ABCB5: variants seen among roughly 807,000 people sequenced by gnomAD.
The protein encoded by ABCB5 is ATP binding cassette subfamily B member 5.
A neutral mutation model predicts 144.2 loss-of-function variants in ABCB5; 155 were observed. The ratio of observed to expected loss-of-function variants is 1.08; its 90% CI spans 0.94 to 1.23. The LOEUF (loss-of-function observed/expected upper bound fraction) is 1.23, where lower values mean the gene tolerates loss of function less well. ABCB5 is among the 50% of genes most tolerant of loss of function. The pLI is 0.00. For synonymous variants in ABCB5, 610 were observed against 528.6 expected (o/e 1.15, Z -2.11); for missense variants, 1,830 against 1,520.8 (o/e 1.20, Z -3.38).
chr7:20,685,032 G>T (rs1785949499), intron 15 of ABCB5, among the ~76,000 whole-genome samples: 1 of 152,126 alleles, frequency 6.6e-6, no homozygotes, highest in Admixed American at 6.5e-5. Context: ...GGTCTTTTTA[G>T]TAGAGACAGG....
chr7:20,661,472 C>T lies in ABCB5; in HGVS notation c.1707+2796C>T, dbSNP rs146414442. ...CCAACAGATATTGTTGGATGGACTT[C>T]GATGAGTGTGATCCAGGATACTTCT... is the stretch of plus-strand genomic sequence containing the variant. On this transcript the variant is annotated intron_variant, in intron 14 of 27. Transcript: ENST00000404938. Among the ~76,000 whole-genome samples the T allele has an allele frequency of 3.5e-3, 533 of 152,054 alleles. 12 individuals are homozygous for T. The highest frequency in any genetic ancestry group is 4.4e-3 in the East Asian group (23 of 5,190).
At chr7:20,629,644 C>A (rs1042974174) in intron 4 of ABCB5, among the ~76,000 whole-genome samples, 3 of 152,064 alleles carry the variant, frequency 2.0e-5, no homozygotes, top group Non-Finnish European at 4.4e-5. Context: ...TGCCTGTAAT[C>A]CCAGCTACTC....
At chr7:20,666,690 T>G in intron 14 of ABCB5, 1 of 1,547,016 alleles carries the variant, frequency 6.5e-7, no homozygotes. Context: ...TGTTTGGCTT[T>G]TAGCTTTGTG....
intron 14 of ABCB5, among the ~76,000 whole-genome samples, chr7:20,665,689 C>T (rs1210400148): frequency 6.6e-6 from 1 of 151,024 alleles, no homozygotes; most frequent in Non-Finnish European, 1.5e-5. Context: ...TCAAGCAATG[C>T]AGTGATCCAT....
intron 7 of ABCB5, among the ~76,000 whole-genome samples, chr7:20,645,100 T>C (rs1342520648): frequency 6.6e-6 from 1 of 152,166 alleles, no homozygotes; most frequent in East Asian, 1.9e-4. Context: ...GTCAGAGTTA[T>C]CCAGTGAAGG....
intron 16 of ABCB5, among the ~76,000 whole-genome samples, chr7:20,696,890 C>T (rs1786435552): frequency 6.6e-6 from 1 of 152,072 alleles, no homozygotes; most frequent in Admixed American, 6.6e-5. Context: ...GGCAAAAGAA[C>T]ATCTTTAAAT....
chr7:20,630,956 T>C lies in ABCB5; in HGVS notation c.260-1103T>C, dbSNP rs189809878. ...TACATAAATTCATGGATATTACTGG[T>C]ATATTATAACACATTGTTAAAGAGA... On this transcript the variant is annotated intron_variant, in intron 4 of 27. Transcript: ENST00000404938. Among the ~76,000 whole-genome samples the C allele has an allele frequency of 1.6e-3, 244 of 152,286 alleles. 2 individuals are homozygous for C. Among genetic ancestry groups the C allele is most frequent in the Non-Finnish European group, 3.1e-3 (212 of 67,994 alleles).
chr7:20,710,301 A>G (rs1283983220), intron 20 of ABCB5, among the ~76,000 whole-genome samples: 1 of 125,244 alleles, frequency 8.0e-6, no homozygotes, highest in African/African-American at 3.1e-5. Flanking sequence ...CGGGAGGCAG[A>G]GGTTGAGGTG....
chr7:20,722,644 A>AC (rs763086366), intron 20 of ABCB5, among the ~76,000 whole-genome samples: 30 of 152,110 alleles, frequency 2.0e-4, no homozygotes, highest in Non-Finnish European at 4.0e-4. Flanking sequence ...ACATGGCGAA[A>AC]CCCCATCTCT....
intron 1 of ABCB5, among the ~76,000 whole-genome samples, chr7:20,618,502 C>A (rs1783734650): frequency 6.6e-6 from 1 of 152,060 alleles, no homozygotes; most frequent in South Asian, 2.1e-4. Flanking sequence ...TGTGAATAAT[C>A]CCTTCGCCCA....
intron 26 of ABCB5, among the ~76,000 whole-genome samples, chr7:20,752,359 C>A (rs1301754111): frequency 6.6e-6 from 1 of 152,190 alleles, no homozygotes; most frequent in Non-Finnish European, 1.5e-5. Flanking sequence ...CCTGCTTACC[C>A]CAACTGTACT....
intron 14 of ABCB5, among the ~76,000 whole-genome samples, chr7:20,676,635 C>A (rs1785622778): frequency 6.6e-6 from 1 of 152,146 alleles, no homozygotes; most frequent in Non-Finnish European, 1.5e-5. Context: ...AATAAAATTT[C>A]ATTTATGTAA....
chr7:20,672,507 C>T (rs1785480594), intron 14 of ABCB5, among the ~76,000 whole-genome samples: 1 of 152,008 alleles, frequency 6.6e-6, no homozygotes, highest in South Asian at 2.1e-4. Context: ...CACCATGGCA[C>T]ACATTTATCT....
At chr7:20,633,922 T>C (rs991389750) in intron 5 of ABCB5, among the ~76,000 whole-genome samples, 2 of 152,116 alleles carry the variant, frequency 1.3e-5, no homozygotes, top group Admixed American at 6.6e-5. Context: ...GTTACATGGA[T>C]ATATTGCATA....
At chr7:20,720,943 C>CA (rs71020677) in intron 20 of ABCB5, among the ~76,000 whole-genome samples, 27,903 of 71,034 alleles carry the variant, frequency 0.39, 6,099 homozygotes, top group South Asian at 0.48. Context: ...AACTCTGCCT[C>CA]AAAAAAAAAA....
intron 23 of ABCB5, among the ~76,000 whole-genome samples, chr7:20,737,741 A>G (rs1782433586): frequency 2.7e-5 from 4 of 150,404 alleles, no homozygotes; most frequent in Non-Finnish European, 5.9e-5. Context: ...TCCTTGCATT[A>G]AAAACACATT....
intron 26 of ABCB5, among the ~76,000 whole-genome samples, chr7:20,752,325 G>C (rs1232782399): frequency 4.6e-5 from 7 of 152,156 alleles, no homozygotes; most frequent in Admixed American, 3.9e-4. Context: ...AAGTCAATGG[G>C]ACAATCTAAA....
At chr7:20,642,359 T>A (rs1583386798) in intron 5 of ABCB5, among the ~76,000 whole-genome samples, 1 of 152,338 alleles carries the variant, frequency 6.6e-6, no homozygotes, top group East Asian at 1.9e-4. Flanking sequence ...TTCCTGCTCT[T>A]TTTATGGCTG....
Position 20,628,972 on chromosome 7 carries a change from T to C in ABCB5, c.259+134T>C, listed in dbSNP as rs190976409. On this transcript the variant is annotated intron_variant, in intron 4 of 27. Transcript: ENST00000404938. Reference sequence around the variant, plus strand: ...TATAATATGTATTTAAGTCATTTATTCTGCCATATTGCTGGGCACTAAAGA... The same window carrying C: ...TATAATATGTATTTAAGTCATTTATCCTGCCATATTGCTGGGCACTAAAGA... The C allele has an allele frequency of 1.3e-4, 136 of 1,030,200 alleles. No individual in the cohort carries two copies. The East Asian group carries it at 3.6e-3, about 27-fold the overall frequency. 63.8% of individuals were successfully genotyped at this position (1,030,200 alleles called of 1,614,324 possible).
Sources: gnomAD v4.1 joint callset for allele counts (sites outside exome capture counted in the v4.1 genomes callset) on GRCh38, gnomAD v4.1.1 for gene constraint, MANE v1.5 for transcripts, NCBI Gene and HGNC (gene_info 2026-07-23, HGNC 2026-07-21) for gene names.